The following PTPRT variants were observed in gnomAD, a reference collection of about 807,000 sequenced individuals.
PTPRT encodes protein tyrosine phosphatase receptor type T, also known as receptor-type tyrosine-protein phosphatase T.
Under a neutral mutation model 176.8 loss-of-function variants are expected in PTPRT, and 56 were observed. That is an observed-to-expected ratio of 0.32 (90% confidence interval 0.26 to 0.40). The LOEUF (loss-of-function observed/expected upper bound fraction) is 0.40. Ranked by LOEUF, PTPRT falls within the 10% of genes least tolerant of loss-of-function variation. The pLI is 1.00. For synonymous variants in PTPRT, 783 were observed against 739.0 expected (o/e 1.06, Z -0.96); for missense variants, 1,540 against 1,908.2 (o/e 0.81, Z 3.60).
chr20:42,856,940 C>A (rs1229364672), intron 2 of PTPRT, among the ~76,000 whole-genome samples: 1 of 152,140 alleles, frequency 6.6e-6, no homozygotes, highest in Non-Finnish European at 1.5e-5. Context: ...TAAAAAGGGG[C>A]ACTGGACTAG....
chr20:42,804,611 A>G (rs1227186868), intron 2 of PTPRT, among the ~76,000 whole-genome samples: 1 of 152,226 alleles, frequency 6.6e-6, no homozygotes, highest in African/African-American at 2.4e-5. Context: ...GAGTGGCTGA[A>G]ACAACAGAAG....
chr20:42,205,634 C>T (rs941804763), intron 15 of PTPRT, among the ~76,000 whole-genome samples: 4 of 152,210 alleles, frequency 2.6e-5, no homozygotes, highest in African/African-American at 9.6e-5. Flanking sequence ...CAGGGTTCCA[C>T]CTAGAGTTTT....
At chr20:42,199,120 C>T in intron 16 of PTPRT, 120 bp downstream of exon 16, 1 of 1,196,374 alleles carries the variant, frequency 8.4e-7, no homozygotes, top group Non-Finnish European at 1.2e-6. Context: ...CAGTCCATAT[C>T]AGGCAAGCAT....
chr20:42,688,787 CAGTG>C (rs1394352173), intron 6 of PTPRT, among the ~76,000 whole-genome samples: 1 of 152,144 alleles, frequency 6.6e-6, no homozygotes, highest in African/African-American at 2.4e-5. Flanking sequence ...GTCAGCGACA[CAGTG>C]AGGCAGGTAC....
chr20:42,071,825 T>A (rs531329795), downstream of PTPRT, among the ~76,000 whole-genome samples: 1 of 152,176 alleles, frequency 6.6e-6, no homozygotes, highest in African/African-American at 2.4e-5. Context: ...CCTGGCTAAT[T>A]TGTTTGAACT....
chr20:42,834,606 A>G (rs2078149341), intron 2 of PTPRT, among the ~76,000 whole-genome samples: 1 of 152,148 alleles, frequency 6.6e-6, no homozygotes, highest in Non-Finnish European at 1.5e-5. Context: ...ATCCGAAACA[A>G]TGCAAATGTT....
chr20:42,104,119 G>A (rs2425476), intron 25 of PTPRT, among the ~76,000 whole-genome samples: 28,254 of 152,160 alleles, frequency 0.19, 3,030 homozygotes, highest in Middle Eastern at 0.31. Context: ...GACTTTGGAA[G>A]ACGTTTCGAT....
Position 42,511,722 on chromosome 20 carries a change from G to A in PTPRT, c.1154-39160C>T, listed in dbSNP as rs533287885. ...TTTGGTACCAAATGAGTAATAACTG[G>A]TAAACACCCTATTTTTTTTTTTTAG... On this transcript the variant is annotated intron_variant, in intron 7 of 30. Transcript: ENST00000373187. Among the ~76,000 whole-genome samples the A allele has an allele frequency of 4.0e-5, 6 of 151,712 alleles. No individual in the cohort carries two copies. In the South Asian group the frequency reaches 1.3e-3, roughly 32 times the overall value.
At chr20:42,071,266 G>C (rs1198657854), downstream of PTPRT, among the ~76,000 whole-genome samples, 2 of 152,210 alleles carry the variant, frequency 1.3e-5, no homozygotes, top group South Asian at 2.1e-4. Context: ...TAAACTCCAA[G>C]GAGTCAGGTT....
At chr20:42,062,960 C>T in the PTPRT span, among the ~76,000 whole-genome samples, 1 of 152,196 alleles carries the variant, frequency 6.6e-6, no homozygotes, top group African/African-American at 2.4e-5. Flanking sequence ...CTGGAGGATG[C>T]TCCTCAGAGA....
chr20:42,035,059 G>A, the PTPRT span, among the ~76,000 whole-genome samples: 1 of 152,094 alleles, frequency 6.6e-6, no homozygotes, highest in African/African-American at 2.4e-5. Flanking sequence ...CCACTATCCA[G>A]ATATTACATT....
intron 1 of PTPRT, among the ~76,000 whole-genome samples, chr20:43,177,199 C>T (rs1398603186): frequency 6.6e-6 from 1 of 152,186 alleles, no homozygotes; most frequent in African/African-American, 2.4e-5. Flanking sequence ...ATGAGTAAAA[C>T]ATGCCTAAAA....
In PTPRT at chr20:43,181,952, G is replaced by C. The variant is rs543786551; in HGVS notation, c.88+7694C>G. 7.2e-5 allele frequency among the ~76,000 whole-genome samples: 11 copies of C among 152,250 alleles called. No homozygotes were observed. The East Asian group carries it at 1.7e-3, about 24-fold the overall frequency. On this transcript the variant is annotated intron_variant, in intron 1 of 30. Transcript: ENST00000373187. The stretch of plus-strand genomic sequence containing the variant: ...TCCAATAGCCAAACTGATCACTTAA[G>C]GGGGACACGCACAAAAGCATAATTA...
intron 1 of PTPRT, among the ~76,000 whole-genome samples, chr20:43,171,993 G>A (rs1226701171): frequency 2.6e-5 from 4 of 152,162 alleles, no homozygotes; most frequent in East Asian, 1.9e-4. Flanking sequence ...GGAACCCAGC[G>A]CAGTACAGAG....
intron 3 of PTPRT, among the ~76,000 whole-genome samples, chr20:42,785,455 C>A (rs1024866542): frequency 3.9e-5 from 6 of 152,168 alleles, no homozygotes; most frequent in African/African-American, 1.2e-4. Context: ...ACCCATTTTG[C>A]TAGTGTCATT....
chr20:42,419,096 T>C (rs954951844), intron 9 of PTPRT, among the ~76,000 whole-genome samples: 7 of 152,208 alleles, frequency 4.6e-5, no homozygotes, highest in African/African-American at 1.7e-4. Flanking sequence ...GTGCTGCCAA[T>C]AGTGAGACAC....
chr20:42,440,679 G>T (rs189590843), intron 9 of PTPRT, among the ~76,000 whole-genome samples: 1 of 151,866 alleles, frequency 6.6e-6, no homozygotes, highest in Non-Finnish European at 1.5e-5. Context: ...GGGTTTCACC[G>T]TGTTAGCCAG....
intron 1 of PTPRT, among the ~76,000 whole-genome samples, chr20:42,958,081 T>G (rs1294476462): frequency 2.0e-5 from 3 of 147,026 alleles, no homozygotes. Context: ...GTGCCTCACA[T>G]GCAAATGACA....
chr20:42,600,750 C>T (rs1840489108), intron 7 of PTPRT, among the ~76,000 whole-genome samples: 1 of 152,112 alleles, frequency 6.6e-6, no homozygotes, highest in Non-Finnish European at 1.5e-5. Flanking sequence ...AAAACAATTG[C>T]CTCCAGTTCC....
Sources: allele counts gnomAD v4.1 joint callset (sites outside exome capture counted in the v4.1 genomes callset), GRCh38; gene constraint gnomAD v4.1.1; transcripts MANE v1.5; gene names NCBI Gene and HGNC (gene_info 2026-07-23, HGNC 2026-07-21).